Variants in RBM41 observed in about 807,000 individuals in gnomAD.
RBM41 encodes the protein RNA-binding protein 41.
Under a neutral mutation model 30.8 loss-of-function variants are expected in RBM41, and 14 were observed. The ratio of observed to expected loss-of-function variants is 0.45; its 90% CI spans 0.30 to 0.71. RBM41 has a LOEUF of 0.71. Ranked by LOEUF, RBM41 falls within the 30% of genes least tolerant of loss-of-function variation. The pLI, the probability that RBM41 is intolerant of heterozygous loss-of-function variation, is 0.08. For synonymous variants in RBM41, 120 were observed against 110.1 expected, an observed-to-expected ratio of 1.09 and a Z score of -0.56; for missense variants, 276 against 326.3, an observed-to-expected ratio of 0.85 and a Z score of 1.19.
intron 6 of RBM41, among the ~76,000 whole-genome samples, chrX:107,070,873 G>A (rs1936033073): frequency 9.2e-6 from 1 of 108,669 alleles, no homozygotes; most frequent in South Asian, 4.0e-4. Context: ...GAGACAGGGT[G>A]GCATGTGCTA....
the RBM41 span, among the ~76,000 whole-genome samples, chrX:107,056,086 TGA>T: frequency 4.5e-5 from 5 of 112,244 alleles, no homozygotes; most frequent in African/African-American, 1.6e-4. Context: ...CCTAGTTTGC[TGA>T]GTGTTTTTAT....
chrX:107,094,396 A>G (rs750918607), intron 5 of RBM41, among the ~76,000 whole-genome samples: 2 of 112,594 alleles, frequency 1.8e-5, no homozygotes, highest in East Asian at 5.6e-4. Flanking sequence ...AGATTGGTGT[A>G]ACATCTAAAA....
At chrX:107,053,660 G>A in the RBM41 span, among the ~76,000 whole-genome samples, 7 of 110,561 alleles carry the variant, frequency 6.3e-5, no homozygotes, top group East Asian at 8.6e-4. Context: ...GTATGGGTAC[G>A]GAGGGTTTCA....
chrX:107,090,657 AT>A (rs1922451059), intron 5 of RBM41, among the ~76,000 whole-genome samples: 1 of 111,272 alleles, frequency 9.0e-6, no homozygotes, highest in Non-Finnish European at 1.9e-5. Flanking sequence ...AGGAAGTGGT[AT>A]TTAGAAACCA....
At chrX:107,078,540 T>C (rs1469410834) in intron 6 of RBM41, among the ~76,000 whole-genome samples, 2 of 111,948 alleles carry the variant, frequency 1.8e-5, no homozygotes, top group Middle Eastern at 4.2e-3. Context: ...AGCTCTTTCA[T>C]TTGGCTCCTG....
chrX:107,095,789 G>A (rs1922920402), intron 5 of RBM41, among the ~76,000 whole-genome samples: 1 of 110,519 alleles, frequency 9.0e-6, no homozygotes, highest in East Asian at 2.9e-4. Flanking sequence ...GATGTGGGAG[G>A]GTCACTTGAG....
Position 107,063,043 on chromosome X carries a change from T to C in RBM41, c.*4484A>G, listed in dbSNP as rs777136529. 9.0e-6 allele frequency among the ~76,000 whole-genome samples: 1 copy of C among 111,650 alleles called. No individual in the cohort carries two copies. The highest frequency in any genetic ancestry group is 3.8e-4 in the South Asian group (1 of 2,661). On this transcript the variant is annotated 3_prime_UTR_variant, in exon 8 of 8. Transcript: ENST00000685964. ...ACACCCCTACTTTTGTGAGTTTTAT[T>C]GAGATATAATTCATACACCACACAA...
intron 6 of RBM41, among the ~76,000 whole-genome samples, chrX:107,084,514 CAA>C (rs1193034190): frequency 3.6e-5 from 4 of 111,549 alleles, no homozygotes; most frequent in East Asian, 2.8e-4. Context: ...ATGCCAGAAA[CAA>C]GAGATTTTTT....
intron 5 of RBM41, among the ~76,000 whole-genome samples, chrX:107,099,171 C>T (rs1221771899): frequency 9.0e-6 from 1 of 111,410 alleles, no homozygotes; most frequent in Non-Finnish European, 1.9e-5. Flanking sequence ...ATTACCAACA[C>T]AGAACAAGTA....
At chrX:107,088,861 G>A in intron 5 of RBM41, 22 bp from the exon 6 acceptor site, 1 of 1,175,881 alleles carries the variant, frequency 8.5e-7, no homozygotes, top group Non-Finnish European at 1.1e-6. Context: ...CAAAGAGATA[G>A]GGAAGTTCTA....
intron 6 of RBM41, among the ~76,000 whole-genome samples, chrX:107,071,944 G>A (rs1483555640): frequency 5.4e-5 from 6 of 111,623 alleles, no homozygotes; most frequent in African/African-American, 1.9e-4. Context: ...CAGAAAGAAA[G>A]AAGTAAAATT....
In RBM41 at chrX:107,109,555, T is replaced by C. The variant is rs758426924; in HGVS notation, c.595+3842A>G. Among the ~76,000 whole-genome samples the C allele has an allele frequency of 1.1e-4, 12 of 111,833 alleles. No individual in the cohort carries two copies. In the East Asian group the frequency reaches 3.4e-3, roughly 31 times the overall value. ...TTCAAAGAACTAACTTTTGGTTTTGTTGACTTCCTCTATTATTTCCTCTAT... is the reference window on the plus strand; with the variant it reads ...TTCAAAGAACTAACTTTTGGTTTTGCTGACTTCCTCTATTATTTCCTCTAT... On this transcript the variant is annotated intron_variant, in intron 5 of 7. Transcript: ENST00000685964.
chrX:107,060,599 G>A (rs1360343831), downstream of RBM41, among the ~76,000 whole-genome samples: 1 of 111,066 alleles, frequency 9.0e-6, no homozygotes, highest in East Asian at 2.8e-4. Flanking sequence ...TGAGAAATAA[G>A]TATCTGTTCT....
chrX:107,110,373 A>C (rs2147743027), intron 5 of RBM41, among the ~76,000 whole-genome samples: 1 of 111,689 alleles, frequency 9.0e-6, no homozygotes, highest in East Asian at 2.8e-4. Flanking sequence ...ATTTGAAACA[A>C]TACTTGAAAA....
At chrX:107,103,684 G>A (rs1295773747) in intron 5 of RBM41, among the ~76,000 whole-genome samples, 2 of 111,577 alleles carry the variant, frequency 1.8e-5, no homozygotes, top group Non-Finnish European at 3.8e-5. Context: ...TGATACATAC[G>A]ACAATATGAA....
intron 6 of RBM41, among the ~76,000 whole-genome samples, chrX:107,085,508 T>C (rs1644255660): frequency 9.0e-6 from 1 of 111,304 alleles, no homozygotes; most frequent in Non-Finnish European, 1.9e-5. Context: ...CCTCAGGTGA[T>C]CTGCTGGCCT....
chrX:107,102,427 C>T (rs762933198), intron 5 of RBM41, among the ~76,000 whole-genome samples: 36 of 111,459 alleles, frequency 3.2e-4, no homozygotes, highest in Non-Finnish European at 6.0e-4. Context: ...ACAGGGCCAA[C>T]AGTATAGATG....
intron 1 of RBM41, 125 bp from the exon 2 acceptor site, chrX:107,116,891 T>C (rs1924925285): frequency 3.0e-6 from 2 of 660,731 alleles, no homozygotes; most frequent in African/African-American, 2.2e-5. Context: ...CAACAATTCA[T>C]TGCCCTTTAC....
rs1352649809 is a variant in RBM41 at position 107,063,646 on chromosome X, T to C, written c.*3881A>G. Among the ~76,000 whole-genome samples the C allele has an allele frequency of 1.8e-5, 2 of 111,957 alleles. No homozygotes were observed. The highest frequency in any genetic ancestry group is 3.2e-5 in the African/African-American group (1 of 30,865). On this transcript the variant is annotated 3_prime_UTR_variant, in exon 8 of 8. Transcript: ENST00000685964. ...TATTGACATAAAATTATTCATAATA[T>C]GCCTTCATAATCTTTTTTATTTCTA...
Sources: allele counts gnomAD v4.1 joint callset (sites outside exome capture counted in the v4.1 genomes callset), GRCh38; gene constraint gnomAD v4.1.1; transcripts MANE v1.5; gene names NCBI Gene and HGNC (gene_info 2026-07-23, HGNC 2026-07-21).